The following PTPRM variants were observed in gnomAD, a reference collection of about 807,000 sequenced individuals.
PTPRM encodes the protein protein tyrosine phosphatase receptor type M, also known as receptor-type tyrosine-protein phosphatase mu.
PTPRM carries 47 observed loss-of-function variants against 186.7 expected under a neutral mutation model. The ratio of observed to expected loss-of-function variants is 0.25; its 90% CI spans 0.20 to 0.32. The LOEUF is 0.32. PTPRM is among the 10% of genes least tolerant of loss of function. The pLI, the probability that PTPRM is intolerant of heterozygous loss-of-function variation, is 1.00. For synonymous variants in PTPRM, 668 were observed against 674.9 expected (o/e 0.99, Z 0.16); for missense variants, 1,494 against 1,865.0 (o/e 0.80, Z 3.66).
At chr18:7,844,755 A>G (rs2046510276) in intron 2 of PTPRM, among the ~76,000 whole-genome samples, 1 of 152,068 alleles carries the variant, frequency 6.6e-6, no homozygotes, top group African/African-American at 2.4e-5. Context: ...TGCCTGTAGT[A>G]CTTTTATTTT....
chr18:7,899,201 C>T (rs1435089542), intron 3 of PTPRM, among the ~76,000 whole-genome samples: 4 of 152,164 alleles, frequency 2.6e-5, no homozygotes, highest in Admixed American at 2.6e-4. Context: ...AATGGAAAAG[C>T]ATGGCACTAA....
intron 7 of PTPRM, among the ~76,000 whole-genome samples, chr18:8,057,425 C>CTTTTTTTTTTTTTTTTTTTTTTGTTTTTT (rs763829289): frequency 9.8e-6 from 1 of 102,562 alleles, no homozygotes; most frequent in African/African-American, 4.3e-5. Flanking sequence ...TGTGATACTT[C>CTTTTTTTTTTTTTTTTTTTTTTGTTTTTT]TTTTTTTTTT....
intron 22 of PTPRM, among the ~76,000 whole-genome samples, chr18:8,324,218 C>A (rs1276905160): frequency 1.3e-5 from 2 of 152,136 alleles, no homozygotes; most frequent in Admixed American, 6.5e-5. Context: ...CTAACTTTAA[C>A]AAACTATTAC....
At chr18:7,684,778 G>A (rs971653670) in intron 1 of PTPRM, among the ~76,000 whole-genome samples, 7 of 152,066 alleles carry the variant, frequency 4.6e-5, no homozygotes, top group African/African-American at 1.7e-4. Context: ...CTACATCCTG[G>A]TTGTTGTTAA....
chr18:7,708,746 T>C (rs1023184916), intron 1 of PTPRM, among the ~76,000 whole-genome samples: 1 of 152,166 alleles, frequency 6.6e-6, no homozygotes, highest in Non-Finnish European at 1.5e-5. Context: ...TTTATTTCTT[T>C]AGTCCACTTA....
chr18:8,015,201 T>C (rs2084781528), intron 7 of PTPRM, among the ~76,000 whole-genome samples: 1 of 152,092 alleles, frequency 6.6e-6, no homozygotes, highest in South Asian at 2.1e-4. Flanking sequence ...CAAAGGTGTA[T>C]GACAAAATGA....
intron 2 of PTPRM, among the ~76,000 whole-genome samples, chr18:7,883,169 C>T (rs577008038): frequency 1.1e-4 from 16 of 152,178 alleles, no homozygotes; most frequent in South Asian, 2.1e-4. Context: ...TGAACACAAA[C>T]GGAATTTCTA....
rs144073455 is a variant in PTPRM, at chr18:8,335,675, G to A, written c.2957-7748G>A. Reference sequence around the variant, plus strand: ...AAAACTCATGAAACTTTCACTTACGGGTTTCATCCAAGAAAATTTGGCTCT... The same window carrying A: ...AAAACTCATGAAACTTTCACTTACGAGTTTCATCCAAGAAAATTTGGCTCT... On this transcript the variant is annotated intron_variant, in intron 22 of 32. Transcript: ENST00000580170. Among the ~76,000 whole-genome samples the A allele has an allele frequency of 8.9e-3, 1,355 of 152,268 alleles. 6 individuals carry two copies. Among genetic ancestry groups the A allele is most frequent in the African/African-American group, 0.014 (595 of 41,562 alleles).
rs573714949 is a variant in PTPRM, at chr18:8,144,052, A to G, written c.2300+273A>G. Among the ~76,000 whole-genome samples, 20 of 152,352 alleles carry G rather than the reference A, an allele frequency of 1.3e-4. No individual in the cohort carries two copies. In the South Asian group the frequency reaches 1.5e-3, roughly 11 times the overall value. Reference sequence around the variant, plus strand: ...ACACAGTGGCAGATAAAGCTCTGCAAAATCTTAGAAGCCACTTATTCACCA... The same window carrying G: ...ACACAGTGGCAGATAAAGCTCTGCAGAATCTTAGAAGCCACTTATTCACCA... On this transcript the variant is annotated intron_variant, in intron 14 of 32. Transcript: ENST00000580170.
At chr18:7,864,129 T>C (rs1053245582) in intron 2 of PTPRM, among the ~76,000 whole-genome samples, 2 of 152,230 alleles carry the variant, frequency 1.3e-5, no homozygotes, top group Non-Finnish European at 1.5e-5. Flanking sequence ...ACAAATATTT[T>C]CTTCCATTCT....
chr18:7,585,044 A>G (rs570937786), intron 1 of PTPRM, among the ~76,000 whole-genome samples: 2 of 152,320 alleles, frequency 1.3e-5, no homozygotes, highest in Non-Finnish European at 2.9e-5. Context: ...CTCCTTCCCC[A>G]GGCTGGCCTT....
At chr18:7,630,536 T>C (rs1470314828) in intron 1 of PTPRM, among the ~76,000 whole-genome samples, 1 of 152,182 alleles carries the variant, frequency 6.6e-6, no homozygotes, top group Admixed American at 6.5e-5. Flanking sequence ...GACAGTCACT[T>C]ACGCGCAACG....
chr18:8,334,727 T>G (rs2095429401), intron 22 of PTPRM, among the ~76,000 whole-genome samples: 1 of 152,260 alleles, frequency 6.6e-6, no homozygotes, highest in Admixed American at 6.5e-5. Flanking sequence ...ATATTCCTGT[T>G]TCTTAGGAGT....
intron 25 of PTPRM, 67 bp downstream of exon 25, chr18:8,376,267 G>A (rs1210661374): frequency 1.3e-6 from 2 of 1,577,498 alleles, no homozygotes; most frequent in East Asian, 2.3e-5. Flanking sequence ...CACCTTTGGG[G>A]ATGATGAGTA....
intron 1 of PTPRM, among the ~76,000 whole-genome samples, chr18:7,649,392 A>G (rs1330161337): frequency 6.6e-6 from 1 of 152,208 alleles, no homozygotes. Flanking sequence ...TTTAATAAAT[A>G]TATTTTGTAA....
At chr18:8,090,635 G>T (rs1015195642) in intron 11 of PTPRM, among the ~76,000 whole-genome samples, 1 of 152,014 alleles carries the variant, frequency 6.6e-6, no homozygotes, top group Non-Finnish European at 1.5e-5. Context: ...CACTCTGGTC[G>T]CCCAGGCTGG....
chr18:7,649,706 C>T (rs2038649913), intron 1 of PTPRM, among the ~76,000 whole-genome samples: 1 of 151,886 alleles, frequency 6.6e-6, no homozygotes, highest in Non-Finnish European at 1.5e-5. Flanking sequence ...GCCTGGGCAA[C>T]AGAGTGAGAC....
At chr18:7,874,443 T>C (rs2048129745) in intron 2 of PTPRM, among the ~76,000 whole-genome samples, 1 of 152,140 alleles carries the variant, frequency 6.6e-6, no homozygotes, top group Admixed American at 6.5e-5. Context: ...TTTTCCCTAA[T>C]ATACAGTTAT....
chr18:8,312,067 C>A (rs2095272852), intron 20 of PTPRM, among the ~76,000 whole-genome samples: 1 of 152,180 alleles, frequency 6.6e-6, no homozygotes, highest in South Asian at 2.1e-4. Context: ...CAGGGAAAGC[C>A]TGAGTATCCA....
Sources: allele counts gnomAD v4.1 joint callset (sites outside exome capture counted in the v4.1 genomes callset), GRCh38; gene constraint gnomAD v4.1.1; transcripts MANE v1.5; gene names NCBI Gene and HGNC (gene_info 2026-07-23, HGNC 2026-07-21).